BPIFB6: variants seen among roughly 807,000 people sequenced by gnomAD.
BPIFB6 encodes BPI fold-containing family B member 6.
In BPIFB6, 47 loss-of-function variants were observed where a neutral mutation model predicts 54.7. The ratio of observed to expected loss-of-function variants is 0.86; its 90% CI spans 0.68 to 1.10. The LOEUF is 1.10. Ranked by LOEUF, BPIFB6 falls within the 50% of genes least tolerant of loss-of-function variation. BPIFB6 has a pLI of 0.00. For missense variants in BPIFB6, 603 were observed against 564.1 expected (o/e 1.07, Z -0.70); for synonymous variants, 255 against 225.9 (o/e 1.13, Z -1.16).
rs184329866 is a variant in BPIFB6, at chr20:33,041,977, A to G, written c.1150A>G (p.Ser384Gly). 2.4e-5 allele frequency: 39 copies of G among 1,613,858 alleles called. No homozygotes were observed. In the East Asian group the frequency reaches 8.5e-4, roughly 35 times the overall value. Residue 384 changes from serine to glycine, a missense_variant, in exon 12 of 15, where the codon AGC (serine) becomes GGC (glycine). Coordinates refer to ENST00000349552, the MANE Select transcript of BPIFB6 (RefSeq NM_174897.2). ...TTCCCCACTCCCCCACAGATTACTG[A>G]GCTTGTCCCGGAAGTCCTCATCGAT... ...QMATSLDRLL[S>G]LSRKSSSIGN... is the part of the protein sequence containing the mutation.
chr20:33,032,824 G>C (rs1979161767), intron 1 of BPIFB6, among the ~76,000 whole-genome samples, 160 bp from the exon 2 acceptor site: 1 of 152,254 alleles, frequency 6.6e-6, no homozygotes. Context: ...GTCATTGCTG[G>C]TGACTCCATC....
chr20:33,039,537 C>A lies in BPIFB6; in HGVS notation c.1074+17C>A, dbSNP rs2146367298. 6.3e-7 allele frequency: 1 copy of A among 1,590,220 alleles called. No homozygotes were observed. The highest frequency in any genetic ancestry group is 1.1e-5 in the South Asian group (1 of 87,122). On this transcript the variant is annotated intron_variant, in intron 10 of 14. Coordinates refer to ENST00000349552, the MANE Select transcript of BPIFB6 (RefSeq NM_174897.2). ...CTAGAAGTGGTGAGGGAAATCGTTC[C>A]CTTCCCCATTTATTCCCAATCTCTT...
chr20:33,040,985 C>CTTTTTTTTTTTTT (rs59134684), intron 11 of BPIFB6, among the ~76,000 whole-genome samples: 1 of 116,846 alleles, frequency 8.6e-6, no homozygotes, highest in Non-Finnish European at 1.8e-5. Flanking sequence ...AGGAGTAGTT[C>CTTTTTTTTTTTTT]TTTTTTTTTT....
intron 2 of BPIFB6, among the ~76,000 whole-genome samples, 190 bp from the exon 3 acceptor site, chr20:33,033,996 A>G (rs1979214679): frequency 6.6e-6 from 1 of 152,088 alleles, no homozygotes; most frequent in East Asian, 1.9e-4. Context: ...TGCTTTCTAT[A>G]TACAAATTGA....
At chr20:33,040,410 C>G in intron 11 of BPIFB6, 92 bp downstream of exon 11, 1 of 1,200,250 alleles carries the variant, frequency 8.3e-7, no homozygotes, top group Non-Finnish European at 1.2e-6. Flanking sequence ...CTGATCCACC[C>G]AGCACACCCC....
intron 10 of BPIFB6, among the ~76,000 whole-genome samples, chr20:33,039,891 G>A (rs957232185): frequency 6.6e-6 from 1 of 152,212 alleles, no homozygotes; most frequent in African/African-American, 2.4e-5. Flanking sequence ...GCAGGAGCTT[G>A]CCAGAGAAGG....
intron 11 of BPIFB6, among the ~76,000 whole-genome samples, chr20:33,040,998 T>A (rs1251721074): frequency 1.3e-5 from 2 of 149,486 alleles, no homozygotes; most frequent in African/African-American, 4.9e-5. Context: ...TTTTTTTTTT[T>A]TTTTTTTTTG....
At chr20:33,034,654 C>T in intron 3 of BPIFB6, 109 bp from the exon 4 acceptor site, 14 of 1,292,164 alleles carry the variant, frequency 1.1e-5, no homozygotes, top group Non-Finnish European at 1.5e-5. Flanking sequence ...TAGGGGTGGT[C>T]TCCTACCCTT....
chr20:33,041,997 A>G lies in BPIFB6; in HGVS notation c.1170A>G (p.Ser390=), dbSNP rs749349973. The change falls in exon 12 of 15, where the codon TCA becomes TCG. Residue 390 remains serine (S), a synonymous_variant. Transcript: ENST00000349552. ...TACTGAGCTTGTCCCGGAAGTCCTC[A>G]TCGATTGGCAACTTCAATGTAAGTG... is the stretch of plus-strand genomic sequence containing the variant. ...DRLLSLSRKS[S]SIGNFNEREL... 1.9e-6 allele frequency: 3 copies of G among 1,613,868 alleles called. No individual in the cohort carries two copies. The highest frequency in any genetic ancestry group is 2.2e-5 in the East Asian group (1 of 44,868).
Position 33,040,327 on chromosome 20 carries a change from C to T in BPIFB6, c.1142+9C>T, listed in dbSNP as rs2146367853. ...GCCACTTCTTTGGACAGGTACGACC[C>T]TGCTGCCCAATGCTGGCATCCCTGT... On this transcript the variant is annotated intron_variant, in intron 11 of 14. Transcript: ENST00000349552. 2 of 1,613,442 alleles carry T rather than the reference C, an allele frequency of 1.2e-6. No homozygotes were observed. The highest frequency in any genetic ancestry group is 1.7e-6 in the Non-Finnish European group (2 of 1,179,414).
At chr20:33,037,997 C>T (rs143705757) in intron 8 of BPIFB6, among the ~76,000 whole-genome samples, 44 of 152,286 alleles carry the variant, frequency 2.9e-4, no homozygotes, top group African/African-American at 1.0e-3. Context: ...ATGTCTTGGT[C>T]ATCCATCCAC....
At chr20:33,037,510 G>A in intron 7 of BPIFB6, 52 bp from the exon 8 acceptor site, 8 of 1,546,692 alleles carry the variant, frequency 5.2e-6, no homozygotes, top group Non-Finnish European at 7.0e-6. Flanking sequence ...GACACTCCTG[G>A]CCAACATCCC....
intron 14 of BPIFB6, among the ~76,000 whole-genome samples, 160 bp downstream of exon 14, chr20:33,043,527 A>G (rs534415984): frequency 1.3e-5 from 2 of 152,326 alleles, no homozygotes; most frequent in South Asian, 4.1e-4. Flanking sequence ...CTCCTTGACC[A>G]GGGATTCCAT....
rs1979475042 is a variant in BPIFB6, at chr20:33,039,302, C to A, written c.901-45C>A. On this transcript the variant is annotated intron_variant, in intron 9 of 14. Transcript: ENST00000349552. ...GGACCCCTTATTTCAACTGAAGCCACCAGTCTAAGGACTGGCCCTGAGTGA... is the reference window on the plus strand; with the variant it reads ...GGACCCCTTATTTCAACTGAAGCCAACAGTCTAAGGACTGGCCCTGAGTGA... 5.2e-6 allele frequency: 8 copies of A among 1,540,698 alleles called. No homozygotes were observed. The Admixed American group carries it at 1.5e-4, about 29-fold the overall frequency.
intron 3 of BPIFB6, 124 bp from the exon 4 acceptor site, chr20:33,034,639 T>A: frequency 8.9e-7 from 1 of 1,121,344 alleles, no homozygotes; most frequent in Admixed American, 2.3e-5. Flanking sequence ...CCCTTTTCTG[T>A]CTTGTAGGGG....
At chr20:33,042,232 C>T (rs749108728) in intron 12 of BPIFB6, among the ~76,000 whole-genome samples, 1 of 152,176 alleles carries the variant, frequency 6.6e-6, no homozygotes, top group Non-Finnish European at 1.5e-5. Flanking sequence ...GGACATCTCC[C>T]TGGATTGGTT....
In BPIFB6 at chr20:33,039,430, C is replaced by G; in HGVS notation, c.984C>G (p.Gly328=). ...CTCCCAAGGTCACTATGAAGACAGGCAAGAGCCTGCTGCACCTCCACAGCA... is the reference window on the plus strand; with the variant it reads ...CTCCCAAGGTCACTATGAAGACAGGGAAGAGCCTGCTGCACCTCCACAGCA... ...KKPPKVTMKT[G]KSLLHLHSTL... is the part of the protein sequence containing the mutation. Residue 328 remains glycine (G), a synonymous_variant, in exon 10 of 15, where the codon GGC becomes GGG. Coordinates refer to ENST00000349552, the MANE Select transcript of BPIFB6 (RefSeq NM_174897.2). The G allele has an allele frequency of 1.2e-6, 2 of 1,614,204 alleles. No individual in the cohort carries two copies. The highest frequency in any genetic ancestry group is 1.7e-6 in the Non-Finnish European group (2 of 1,180,038).
chr20:33,044,051 T>C (rs770356446), downstream of BPIFB6: 1 of 1,614,148 alleles, frequency 6.2e-7, no homozygotes. Flanking sequence ...GGGCTGACCA[T>C]GGCAGGACTC....
rs1446469962 is a variant in BPIFB6 at position 33,042,876 on chromosome 20, A to G, written c.1250A>G (p.Asn417Ser). The G allele has an allele frequency of 1.9e-6, 3 of 1,613,996 alleles. No individual in the cohort carries two copies. The highest frequency in any genetic ancestry group is 2.2e-5 in the East Asian group (1 of 44,884). The change falls in exon 13 of 15, where the codon AAT (asparagine) becomes AGT (serine). Residue 417 changes from asparagine (N) to serine (S), a missense_variant and splice_region_variant. By Grantham distance (46) the Asn-to-Ser change is conservative. Coordinates refer to ENST00000349552, the MANE Select transcript of BPIFB6 (RefSeq NM_174897.2). Reference protein sequence around the residue: ...YLEEAYIPVVNDVLQVGLPLP... With the variant: ...YLEEAYIPVVSDVLQVGLPLP... ...GAAGAAGCCTACATCCCAGTTGTCA[A>G]TGGTGAGGGTTCCAAAAGGCTTTGG...
Sources: gnomAD v4.1 joint callset for allele counts (sites outside exome capture counted in the v4.1 genomes callset) on GRCh38, gnomAD v4.1.1 for gene constraint, MANE v1.5 for transcripts, NCBI Gene and HGNC (gene_info 2026-07-23, HGNC 2026-07-21) for gene names.